Variants in FRYL observed in about 807,000 individuals in gnomAD.
FRYL encodes the protein protein furry homolog-like.
In FRYL, 150 loss-of-function variants were observed where a neutral mutation model predicts 351.2. The ratio of observed to expected loss-of-function variants is 0.43; its 90% CI spans 0.37 to 0.49. The LOEUF (loss-of-function observed/expected upper bound fraction) is 0.49. Among genes scored for constraint, FRYL ranks in the 20% least tolerant of loss-of-function variants. The pLI is 0.00. For synonymous variants in FRYL, 1,153 were observed against 1,257.1 expected, an observed-to-expected ratio of 0.92 and a Z score of 1.75; for missense variants, 3,036 against 3,619.3, an observed-to-expected ratio of 0.84 and a Z score of 4.13.
In FRYL at chr4:48,557,340, GA is replaced by G; in HGVS notation, c.4125+112del. ...TCATATCTAATGAGTCTTTTTTAAAGAAAGATATTTGTTTGGTTATCACAGG... is the reference window on the plus strand; with the variant it reads ...TCATATCTAATGAGTCTTTTTTAAAGAAGATATTTGTTTGGTTATCACAGG... On this transcript the variant is annotated intron_variant, in intron 34 of 63. Coordinates refer to ENST00000358350, the MANE Select transcript of FRYL (RefSeq NM_015030.2). The G allele has an allele frequency of 3.6e-6, 5 of 1,387,022 alleles. No individual in the cohort carries two copies. The East Asian group carries it at 1.2e-4, about 32-fold the overall frequency. 85.9% of individuals were successfully genotyped at this position (1,387,022 alleles called of 1,614,324 possible). A position where few individuals can be genotyped will look rare whatever the true frequency, so the allele number is the denominator to read the frequency against.
intron 3 of FRYL, among the ~76,000 whole-genome samples, chr4:48,672,489 T>C (rs1392212247): frequency 6.6e-6 from 1 of 152,228 alleles, no homozygotes; most frequent in Non-Finnish European, 1.5e-5. Flanking sequence ...TATTTCACAC[T>C]ATGACACTAT....
At position 48,499,326 on chromosome 4, in the gene FRYL, G is replaced by T. The variant is rs1161721635; in HGVS notation, c.*96C>A. ...TTACACTAAAAAGTAGATGCTGCCA[G>T]AAAGTTATCAGTGAATGCAAGGGTC... On this transcript the variant is annotated 3_prime_UTR_variant, in exon 64 of 64. Coordinates refer to ENST00000358350, the MANE Select transcript of FRYL (RefSeq NM_015030.2). The T allele has an allele frequency of 3.7e-6, 4 of 1,074,824 alleles. No individual in the cohort carries two copies. Among genetic ancestry groups the T allele is most frequent in the Non-Finnish European group, 4.1e-6 (3 of 726,634 alleles). 66.6% of individuals were successfully genotyped at this position (1,074,824 alleles called of 1,614,324 possible). A position where few individuals can be genotyped will look rare whatever the true frequency, so the allele number is the denominator to read the frequency against.
At chr4:48,631,138 A>C (rs1311167460) in intron 4 of FRYL, among the ~76,000 whole-genome samples, 1 of 152,180 alleles carries the variant, frequency 6.6e-6, no homozygotes, top group Non-Finnish European at 1.5e-5. Context: ...CTAGATAAGA[A>C]GAAATTATCT....
At chr4:48,728,589 C>T (rs1465752497) in intron 1 of FRYL, among the ~76,000 whole-genome samples, 2 of 152,134 alleles carry the variant, frequency 1.3e-5, no homozygotes, top group Non-Finnish European at 2.9e-5. Context: ...AAAACCTACA[C>T]TTAGACATGC....
chr4:48,727,277 A>C (rs1164339684), intron 1 of FRYL, among the ~76,000 whole-genome samples: 3 of 152,180 alleles, frequency 2.0e-5, no homozygotes, highest in Non-Finnish European at 4.4e-5. Flanking sequence ...GGAAGTCATC[A>C]CTCCAAAATA....
chr4:48,528,853 T>C (rs1726876697), intron 50 of FRYL, among the ~76,000 whole-genome samples: 1 of 152,218 alleles, frequency 6.6e-6, no homozygotes, highest in South Asian at 2.1e-4. Flanking sequence ...TGATGTGTAA[T>C]ACTTCCAAAA....
At chr4:48,688,157 T>C (rs1765343515) in intron 2 of FRYL, among the ~76,000 whole-genome samples, 1 of 152,212 alleles carries the variant, frequency 6.6e-6, no homozygotes, top group Admixed American at 6.5e-5. Flanking sequence ...AAACCGCACT[T>C]TAAGATATGG....
intron 54 of FRYL, among the ~76,000 whole-genome samples, 165 bp from the exon 55 acceptor site, chr4:48,521,380 G>A (rs1016123668): frequency 6.6e-6 from 1 of 152,166 alleles, no homozygotes; most frequent in African/African-American, 2.4e-5. Context: ...GTGTTGTTAG[G>A]GTAAGCAGCT....
chr4:48,728,356 C>CA (rs1045032898), intron 1 of FRYL, among the ~76,000 whole-genome samples: 6 of 150,538 alleles, frequency 4.0e-5, no homozygotes, highest in African/African-American at 1.5e-4. Context: ...GAAAAAAAAA[C>CA]AGAGGACGAA....
intron 1 of FRYL, among the ~76,000 whole-genome samples, chr4:48,770,080 T>C (rs1468492025): frequency 6.6e-6 from 1 of 152,174 alleles, no homozygotes; most frequent in Non-Finnish European, 1.5e-5. Context: ...TACACACGCA[T>C]ATACATACAA....
intron 3 of FRYL, among the ~76,000 whole-genome samples, chr4:48,660,443 G>A (rs1760461728): frequency 6.6e-6 from 1 of 152,152 alleles, no homozygotes; most frequent in Non-Finnish European, 1.5e-5. Flanking sequence ...TAAACTGTTT[G>A]TATAAATAAT....
intron 1 of FRYL, among the ~76,000 whole-genome samples, chr4:48,777,505 T>C (rs1776142914): frequency 6.6e-6 from 1 of 152,228 alleles, no homozygotes; most frequent in East Asian, 1.9e-4. Flanking sequence ...TGGAGGATAA[T>C]TCTGGCTCCC....
At chr4:48,613,771 C>T (rs565151265) in intron 7 of FRYL, among the ~76,000 whole-genome samples, 1 of 152,246 alleles carries the variant, frequency 6.6e-6, no homozygotes, top group Non-Finnish European at 1.5e-5. Flanking sequence ...GCCTGGCCAA[C>T]ATGGTGAAAC....
In FRYL at chr4:48,547,666, A is replaced by C; in HGVS notation, c.4992T>G (p.Ser1664=). Residue 1664 remains serine, a synonymous_variant, in exon 41 of 64, where the codon TCT becomes TCG. Coordinates refer to ENST00000358350, the MANE Select transcript of FRYL (RefSeq NM_015030.2). ...GPNSNIRTVA[S]VLLRNKEFNE... is the part of the protein sequence containing the mutation. ...TAAACTCCTTGTTCCTGAGAAGGAC[A>C]GAAGCAACAGTTCGGATGTTACTAT... The C allele has an allele frequency of 6.2e-7, 1 of 1,608,706 alleles. No individual in the cohort carries two copies. The highest frequency in any genetic ancestry group is 8.5e-7 in the Non-Finnish European group (1 of 1,176,182).
chr4:48,538,970 G>A (rs1729511984), intron 47 of FRYL, among the ~76,000 whole-genome samples: 1 of 152,134 alleles, frequency 6.6e-6, no homozygotes, highest in Admixed American at 6.5e-5. Context: ...GTTCTTGAGA[G>A]GGGACTATTA....
intron 3 of FRYL, chr4:48,653,775 T>C (rs1352125126): frequency 5.4e-6 from 7 of 1,291,054 alleles, no homozygotes; most frequent in South Asian, 4.9e-5. Flanking sequence ...CAGAATCCTG[T>C]AGACTCAACA....
chr4:48,584,044 T>C (rs1741534703), intron 19 of FRYL, among the ~76,000 whole-genome samples: 1 of 152,172 alleles, frequency 6.6e-6, no homozygotes, highest in South Asian at 2.1e-4. Flanking sequence ...AATATAATTT[T>C]AGTTACAGAA....
At chr4:48,611,095 G>A (rs1462994378) in intron 7 of FRYL, among the ~76,000 whole-genome samples, 1 of 151,688 alleles carries the variant, frequency 6.6e-6, no homozygotes, top group African/African-American at 2.4e-5. Context: ...AGTATATATG[G>A]TGCATTGGTT....
chr4:48,531,999 A>C (rs1270847009), intron 49 of FRYL, among the ~76,000 whole-genome samples: 1 of 152,156 alleles, frequency 6.6e-6, no homozygotes, highest in African/African-American at 2.4e-5. Flanking sequence ...CCTACCAATG[A>C]AATCTAGGAA....
Sources: gnomAD v4.1 joint callset for allele counts (sites outside exome capture counted in the v4.1 genomes callset) on GRCh38, gnomAD v4.1.1 for gene constraint, MANE v1.5 for transcripts, NCBI Gene and HGNC (gene_info 2026-07-23, HGNC 2026-07-21) for gene names.